APBB1: variants seen among roughly 807,000 people sequenced by gnomAD.
The protein encoded by APBB1 is amyloid beta precursor protein binding family B member 1.
Under a neutral mutation model 78.4 loss-of-function variants are expected in APBB1, and 22 were observed. The ratio of observed to expected loss-of-function variants is 0.28; its 90% CI spans 0.20 to 0.40. The LOEUF (loss-of-function observed/expected upper bound fraction) is 0.40. Ranked by LOEUF, APBB1 falls within the 10% of genes least tolerant of loss-of-function variation. The probability of loss-of-function intolerance (pLI) is 1.00; values close to 1 mark genes in which losing one functional copy is unlikely to be tolerated. For missense variants in APBB1, 749 were observed against 932.4 expected (o/e 0.80, Z 2.56); for synonymous variants, 369 against 372.7 (o/e 0.99, Z 0.12).
At position 6,411,372 on chromosome 11, in the gene APBB1, C is replaced by T. The variant is rs954902804; in HGVS notation, c.-14-11G>A. 12 of 1,518,720 alleles carry T rather than the reference C, an allele frequency of 7.9e-6. No homozygotes were observed. The highest frequency in any genetic ancestry group is 7.0e-5 in the African/African-American group (5 of 71,776). The allele number at this position is 1,518,720 out of a possible 1,614,324, so 94.1% of individuals were successfully genotyped here. On this transcript the variant is annotated splice_polypyrimidine_tract_variant and intron_variant, in intron 1 of 14. Transcript: ENST00000609360. The surrounding 1 kb of genome is among the most constrained non-coding windows in gnomAD (Gnocchi z 5.2). ...TGGCCTTGGCAGCTCCTGTGGGGTG[C>T]GGAGGGGAGATGCTGTTGAGCCTCT...
At chr11:6,404,350 G>A (rs1375589917) in intron 2 of APBB1, among the ~76,000 whole-genome samples, 1 of 152,132 alleles carries the variant, frequency 6.6e-6, no homozygotes, top group African/African-American at 2.4e-5. Flanking sequence ...ACAAACTTTA[G>A]CCATACACTT....
At position 6,401,813 on chromosome 11, in the gene APBB1, C is replaced by T; in HGVS notation, c.1389-125G>A. 1.4e-6 allele frequency: 2 copies of T among 1,433,326 alleles called. No individual in the cohort carries two copies. The highest frequency in any genetic ancestry group is 3.7e-5 in the Admixed American group (2 of 54,018). 88.8% of individuals were successfully genotyped at this position (1,433,326 alleles called of 1,614,324 possible). ...GGGCTTCTGCCCACAGCTGGTCCCC[C>T]ATAGGTGCTGCCTTCTTGGGGGGGA... On this transcript the variant is annotated intron_variant, in intron 9 of 14. Transcript: ENST00000609360. The surrounding 1 kb of genome is among the most constrained non-coding windows in gnomAD (Gnocchi z 4.5).
In APBB1 at chr11:6,395,182, G is replaced by T. The variant is rs1453069380; in HGVS notation, c.*352C>A. On this transcript the variant is annotated 3_prime_UTR_variant, in exon 15 of 15. Transcript: ENST00000609360. The surrounding 1 kb of genome is among the most constrained non-coding windows in gnomAD (Gnocchi z 5.2). ...TACAGCAGAGGTGCCCATGGAGCAG[G>T]GGGAAGGGACCCATGCCTGGACCAG... 4.0e-6 allele frequency: 1 copy of T among 252,820 alleles called. No individual in the cohort carries two copies. The highest frequency in any genetic ancestry group is 2.2e-5 in the African/African-American group (1 of 44,624). The allele number at this position is 252,820 out of a possible 1,614,324, so 15.7% of individuals were successfully genotyped here.
rs540880380 is a variant in APBB1 at position 6,402,425 on chromosome 11, G to A, written c.1254+151C>T. On this transcript the variant is annotated intron_variant, in intron 7 of 14. Transcript: ENST00000609360. ...GACTATCTCCCAAGGTCCTGGCCTG[G>A]GGTCGCTCATCCATCCCACAGGGCT... 80 of 1,099,724 alleles carry A rather than the reference G, an allele frequency of 7.3e-5. No homozygotes were observed. The South Asian group carries it at 1.2e-3, about 17-fold the overall frequency. 68.1% of individuals were successfully genotyped at this position (1,099,724 alleles called of 1,614,324 possible). A position where few individuals can be genotyped will look rare whatever the true frequency, so the allele number is the denominator to read the frequency against.
At chr11:6,414,076 G>A (rs532780702) in intron 1 of APBB1, among the ~76,000 whole-genome samples, 15 of 152,234 alleles carry the variant, frequency 9.9e-5, no homozygotes, top group African/African-American at 2.9e-4. Flanking sequence ...GCACTCGTTC[G>A]CAGACACCCA....
rs937655852 is a variant in APBB1, at chr11:6,411,477, G to A, written c.-14-116C>T. 1.2e-6 allele frequency: 1 copy of A among 850,396 alleles called. No homozygotes were observed. The highest frequency in any genetic ancestry group is 1.7e-5 in the African/African-American group (1 of 58,974). The allele number at this position is 850,396 out of a possible 1,614,324, so 52.7% of individuals were successfully genotyped here. ...TCATCTCCCTGCACTAAGCAGGCTA[G>A]CACCCATGGCTCTCTATCCTATGAG... On this transcript the variant is annotated intron_variant, in intron 1 of 14. Coordinates refer to ENST00000609360, the MANE Select transcript of APBB1 (RefSeq NM_001164.5). The surrounding 1 kb of genome is among the most constrained non-coding windows in gnomAD (Gnocchi z 5.2).
intron 2 of APBB1, chr11:6,404,820 G>T: frequency 6.5e-7 from 1 of 1,535,460 alleles, no homozygotes; most frequent in Non-Finnish European, 8.7e-7. Flanking sequence ...GGCCCCTCCT[G>T]CCTCCACCCT....
rs567831324 is a variant in APBB1 at position 6,415,483 on chromosome 11, T to G, written c.-15+3502A>C. Among the ~76,000 whole-genome samples, 4 of 152,210 alleles carry G rather than the reference T, an allele frequency of 2.6e-5. No individual in the cohort carries two copies. The South Asian group carries it at 6.2e-4, about 24-fold the overall frequency. On this transcript the variant is annotated intron_variant, in intron 1 of 14. Transcript: ENST00000609360. ...TACAATGCAGTGTAACACCAACATC[T>G]AGAACAGTGCCTGGCACCCATAGCA...
chr11:6,404,954 G>T (rs1015017093), intron 2 of APBB1: 3 of 1,439,020 alleles, frequency 2.1e-6, no homozygotes, highest in African/African-American at 1.4e-5. Flanking sequence ...ATCCTCCCCC[G>T]CTTGGAGCTT....
chr11:6,399,951 G>A (rs556726599), intron 12 of APBB1, among the ~76,000 whole-genome samples: 1 of 142,608 alleles, frequency 7.0e-6, no homozygotes, highest in Non-Finnish European at 1.5e-5. Flanking sequence ...TTGGATTTCA[G>A]TTCAAATGTC....
intron 2 of APBB1, among the ~76,000 whole-genome samples, chr11:6,408,183 A>T (rs1848864909): frequency 1.3e-5 from 2 of 152,258 alleles, no homozygotes; most frequent in Admixed American, 6.5e-5. Context: ...CTACCAATTT[A>T]CAGGAAATCC....
At chr11:6,396,277 G>A (rs892358961) in intron 12 of APBB1, 62 bp from the exon 13 acceptor site, 2 of 1,401,078 alleles carry the variant, frequency 1.4e-6, no homozygotes, top group Non-Finnish European at 1.9e-6. Flanking sequence ...GCTCTACCCT[G>A]GACCTCTAGT....
At chr11:6,402,060 G>T (rs779082515) in intron 8 of APBB1, 22 bp downstream of exon 8, 1 of 1,612,574 alleles carries the variant, frequency 6.2e-7, no homozygotes, top group Admixed American at 1.7e-5. Flanking sequence ...TCCCACCCTC[G>T]AATCCCAAGC....
chr11:6,399,496 C>A (rs2134049557), intron 12 of APBB1, among the ~76,000 whole-genome samples: 1 of 152,306 alleles, frequency 6.6e-6, no homozygotes, highest in Admixed American at 6.5e-5. Context: ...ATCACTGAGG[C>A]CTGTTGACTA....
At chr11:6,406,962 C>A (rs912606963) in intron 2 of APBB1, among the ~76,000 whole-genome samples, 1 of 152,180 alleles carries the variant, frequency 6.6e-6, no homozygotes, top group African/African-American at 2.4e-5. Flanking sequence ...CCAGCATTTA[C>A]GATAAGGCCT....
Position 6,396,087 on chromosome 11 carries a change from C to G in APBB1, c.1788+13G>C. ...GGCAAGGCGCAGCCACGACTTCTACCCCAGCTCTTTACCTGCTGGTGCAAG... is the reference window on the plus strand; with the variant it reads ...GGCAAGGCGCAGCCACGACTTCTACGCCAGCTCTTTACCTGCTGGTGCAAG... On this transcript the variant is annotated intron_variant, in intron 13 of 14. Transcript: ENST00000609360. 2 of 1,579,770 alleles carry G rather than the reference C, an allele frequency of 1.3e-6. No individual in the cohort carries two copies. The highest frequency in any genetic ancestry group is 1.7e-6 in the Non-Finnish European group (2 of 1,163,176).
intron 12 of APBB1, among the ~76,000 whole-genome samples, chr11:6,397,093 T>G (rs561146802): frequency 6.6e-6 from 1 of 152,306 alleles, no homozygotes; most frequent in South Asian, 2.1e-4. Flanking sequence ...CAGGAGCACA[T>G]GTTGTGGCAA....
chr11:6,418,736 C>T (rs936596068), intron 1 of APBB1, among the ~76,000 whole-genome samples: 2 of 152,140 alleles, frequency 1.3e-5, no homozygotes, highest in Non-Finnish European at 2.9e-5. Context: ...TCCATACCCG[C>T]CCCTAGTCAC....
chr11:6,415,880 G>A (rs1270038791), intron 1 of APBB1, among the ~76,000 whole-genome samples: 1 of 151,746 alleles, frequency 6.6e-6, no homozygotes, highest in East Asian at 1.9e-4. Flanking sequence ...AGGATCCACG[G>A]TCTCCCAACT....
Sources: gnomAD v4.1 joint callset for allele counts (sites outside exome capture counted in the v4.1 genomes callset) on GRCh38, gnomAD v4.1.1 for gene constraint, Gnocchi (gnomAD v3.1) non-coding constraint, MANE v1.5 for transcripts, NCBI Gene and HGNC (gene_info 2026-07-23, HGNC 2026-07-21) for gene names.